The following AK1 variants were observed in gnomAD, a reference collection of about 807,000 sequenced individuals.
AK1 encodes adenylate kinase 1, also known as adenylate kinase isoenzyme 1.
AK1 carries 13 observed loss-of-function variants against 23.9 expected under a neutral mutation model. The ratio of observed to expected loss-of-function variants is 0.54; its 90% CI spans 0.35 to 0.86. The LOEUF is 0.86. Among genes scored for constraint, AK1 ranks in the 40% least tolerant of loss-of-function variants. The pLI is 0.01. For missense variants in AK1, 214 were observed against 255.1 expected, an observed-to-expected ratio of 0.84 and a Z score of 1.10; for synonymous variants, 97 against 102.8, an observed-to-expected ratio of 0.94 and a Z score of 0.34.
intron 1 of AK1, among the ~76,000 whole-genome samples, chr9:127,875,367 G>C (rs1829514889): frequency 8.1e-6 from 1 of 124,066 alleles, no homozygotes; most frequent in African/African-American, 3.2e-5. Context: ...ACCCCACCCT[G>C]TGCTGCCACA....
At position 127,874,734 on chromosome 9, in the gene AK1, T is replaced by C. The variant is rs1405467555; in HGVS notation, c.-32-85A>G. The C allele has an allele frequency of 3.7e-6, 5 of 1,358,332 alleles. No individual in the cohort carries two copies. The African/African-American group carries it at 7.2e-5, about 19-fold the overall frequency. The allele number at this position is 1,358,332 out of a possible 1,614,324, so 84.1% of individuals were successfully genotyped here. ...ACTAAGCCACACCCAAGGCAACTGG[T>C]GTGTGCCAGGCCCGACATGCAGTCT... On this transcript the variant is annotated intron_variant, in intron 1 of 6. Coordinates refer to ENST00000644144, the MANE Select transcript of AK1 (RefSeq NM_000476.3).
chr9:127,868,058 C>G lies in AK1; in HGVS notation c.535G>C (p.Val179Leu), dbSNP rs190164259. 8.7e-6 allele frequency: 14 copies of G among 1,614,102 alleles called. No homozygotes were observed. The highest frequency in any genetic ancestry group is 1.3e-5 in the African/African-American group (1 of 75,042). ...IVRKVNAEGSVDSVFSQVCTH... is the reference protein window; with the variant it reads ...IVRKVNAEGSLDSVFSQVCTH... ...CAGACCTGGGAGAAGACACTGTCCA[C>G]GGAGCCCTCAGCGTTGACCTGTGGG... Residue 179 changes from valine to leucine, a missense_variant, in exon 7 of 7, where the codon GTG (valine) becomes CTG (leucine). Coordinates refer to ENST00000644144, the MANE Select transcript of AK1 (RefSeq NM_000476.3). This position sits in a 1 kb window ranked among gnomAD's most constrained non-coding sequence, Gnocchi z 4.1.
rs531396022 is a variant in AK1 at position 127,869,873 on chromosome 9, A to G, written c.325-1361T>C. On this transcript the variant is annotated intron_variant, in intron 5 of 6. Transcript: ENST00000644144. ...CAAGCACAGTAGGCTCTTTACACACACCCAGCAGAGGTGGTAAATCTGGGA... is the reference window on the plus strand; with the variant it reads ...CAAGCACAGTAGGCTCTTTACACACGCCCAGCAGAGGTGGTAAATCTGGGA... 5.3e-5 allele frequency among the ~76,000 whole-genome samples: 8 copies of G among 152,160 alleles called. No individual in the cohort carries two copies. The South Asian group carries it at 1.7e-3, about 32-fold the overall frequency.
In AK1 at chr9:127,867,746, C is replaced by T. The variant is rs575072448; in HGVS notation, c.*262G>A. On this transcript the variant is annotated 3_prime_UTR_variant, in exon 7 of 7. Coordinates refer to ENST00000644144, the MANE Select transcript of AK1 (RefSeq NM_000476.3). ...CTGGCAAAGGGAGGCTGAGGAGGAA[C>T]GGAGGGTTGAGGGGCTGGGGACTTG... 155 of 468,148 alleles carry T rather than the reference C, an allele frequency of 3.3e-4. No individual in the cohort carries two copies. Among genetic ancestry groups the T allele is most frequent in the South Asian group, 7.7e-4 (36 of 46,524 alleles). 29.0% of individuals were successfully genotyped at this position (468,148 alleles called of 1,614,324 possible). A position where few individuals can be genotyped will look rare whatever the true frequency, so the allele number is the denominator to read the frequency against.
chr9:127,874,192 C>T, intron 2 of AK1: 1 of 985,332 alleles, frequency 1.0e-6, no homozygotes, highest in Non-Finnish European at 1.2e-6. Flanking sequence ...CCCTCTAAGT[C>T]CCAGCCCATA....
At chr9:127,875,757 G>T (rs141223381) in intron 1 of AK1, among the ~76,000 whole-genome samples, 1 of 151,234 alleles carries the variant, frequency 6.6e-6, no homozygotes, top group African/African-American at 2.4e-5. Context: ...GCCACAGGCT[G>T]AGTCAGTGTG....
Position 127,873,528 on chromosome 9 carries a change from G to A in AK1, c.8-467C>T, listed in dbSNP as rs934885820. On this transcript the variant is annotated intron_variant, in intron 2 of 6. Transcript: ENST00000644144. ...GGCCGGCCCATCACCCGCCTCCCCC[G>A]GCAGTGGGGGCTTAGCAACCACAAC... is the stretch of plus-strand genomic sequence containing the variant. 1.8e-4 allele frequency: 258 copies of A among 1,441,268 alleles called. 1 individual carries two copies. Among genetic ancestry groups the A allele is most frequent in the Middle Eastern group, 5.4e-4 (3 of 5,524 alleles). 89.3% of individuals were successfully genotyped at this position (1,441,268 alleles called of 1,614,324 possible). A position where few individuals can be genotyped will look rare whatever the true frequency, so the allele number is the denominator to read the frequency against.
intron 4 of AK1, among the ~76,000 whole-genome samples, 183 bp downstream of exon 4, chr9:127,872,507 G>T (rs1281272873): frequency 1.3e-5 from 2 of 152,126 alleles, no homozygotes; most frequent in African/African-American, 4.8e-5. Flanking sequence ...GCAGAGTCCT[G>T]CAAGGTCTTG....
intron 2 of AK1, chr9:127,873,377 AC>A (rs2131406234): frequency 6.4e-7 from 1 of 1,573,722 alleles, no homozygotes; most frequent in Non-Finnish European, 8.6e-7. Context: ...GGGTGCCTGG[AC>A]CCCGGGGCCG....
chr9:127,878,334 A>G (rs1450439917), upstream of AK1: 2 of 152,268 alleles, frequency 1.3e-5, no homozygotes, highest in Non-Finnish European at 2.9e-5. Context: ...GGATAGCCAG[A>G]GAGGGGATTT....
At position 127,872,762 on chromosome 9, in the gene AK1, G is replaced by A. The variant is rs202106101; in HGVS notation, c.135C>T (p.Ser45=). The change falls in exon 4 of 7, where the codon TCC becomes TCT. Residue 45 remains serine, a synonymous_variant. Coordinates refer to ENST00000644144, the MANE Select transcript of AK1 (RefSeq NM_000476.3). The stretch of plus-strand genomic sequence containing the variant: ...CCCTGGCCGAGCCTGAGCTGACCTC[G>A]GACCGCAGGAGGTCCCCGGTGGAGA... ...THLSTGDLLR[S]EVSSGSARGK... The A allele has an allele frequency of 2.2e-4, 352 of 1,614,132 alleles. No homozygotes were observed. The highest frequency in any genetic ancestry group is 1.5e-3 in the Middle Eastern group (9 of 6,062).
At chr9:127,872,491 G>A (rs908408468) in intron 4 of AK1, among the ~76,000 whole-genome samples, 199 bp downstream of exon 4, 1 of 152,098 alleles carries the variant, frequency 6.6e-6, no homozygotes, top group Admixed American at 6.5e-5. Context: ...GAGAGTTGGG[G>A]GCAGGGCAGA....
intron 2 of AK1, chr9:127,873,595 G>A (rs1461716506): frequency 2.1e-6 from 3 of 1,421,802 alleles, no homozygotes; most frequent in Non-Finnish European, 2.7e-6. Context: ...GAGGGCTGTG[G>A]TGGGCATGTG....
At chr9:127,875,897 TC>T (rs1829527719) in intron 1 of AK1, among the ~76,000 whole-genome samples, 1 of 152,070 alleles carries the variant, frequency 6.6e-6, no homozygotes, top group Admixed American at 6.5e-5. Flanking sequence ...TGCCCCCGCC[TC>T]CACATGGGCC....
In AK1 at chr9:127,871,966, C is replaced by T; in HGVS notation, c.208-27G>A. 1 of 1,569,382 alleles carries T rather than the reference C, an allele frequency of 6.4e-7. No homozygotes were observed. On this transcript the variant is annotated intron_variant, in intron 4 of 6. Coordinates refer to ENST00000644144, the MANE Select transcript of AK1 (RefSeq NM_000476.3). This position sits in a 1 kb window ranked among gnomAD's most constrained non-coding sequence, Gnocchi z 4.4. ...TGGGGCACAGCAAAGGAGGAAGGGG[C>T]CATGAGCCTCTCCTCCCCATCCCTT...
upstream of AK1, among the ~76,000 whole-genome samples, chr9:127,878,960 C>T (rs1158620028): frequency 6.6e-6 from 1 of 152,022 alleles, no homozygotes; most frequent in Non-Finnish European, 1.5e-5. Context: ...CCTGTTAACC[C>T]CACCACTTCA....
In AK1 at chr9:127,872,343, G is replaced by T. The variant is rs373170895; in HGVS notation, c.207+347C>A. On this transcript the variant is annotated intron_variant, in intron 4 of 6. Transcript: ENST00000644144. ...AGTGGGGCTTCTGGAGTAGAAAATTGGGGGGGGAGGTCTTAGGCCAAATCT... is the reference window on the plus strand; with the variant it reads ...AGTGGGGCTTCTGGAGTAGAAAATTTGGGGGGGAGGTCTTAGGCCAAATCT... 5.3e-5 allele frequency among the ~76,000 whole-genome samples: 8 copies of T among 149,878 alleles called. No individual in the cohort carries two copies. The East Asian group carries it at 1.4e-3, about 26-fold the overall frequency.
chr9:127,878,507 C>T (rs1167530902), upstream of AK1: 1 of 152,224 alleles, frequency 6.6e-6, no homozygotes, highest in Non-Finnish European at 1.5e-5. Flanking sequence ...GTTTATCCAG[C>T]GTTTTGCAGG....
chr9:127,874,665 A>C lies in AK1; in HGVS notation c.-32-16T>G. 1 of 1,613,080 alleles carries C rather than the reference A, an allele frequency of 6.2e-7. No individual in the cohort carries two copies. The highest frequency in any genetic ancestry group is 8.5e-7 in the Non-Finnish European group (1 of 1,179,300). On this transcript the variant is annotated splice_polypyrimidine_tract_variant and intron_variant, in intron 1 of 6. Transcript: ENST00000644144. ...TGTCAGTGCTCTGTAAGACAAGGGC[A>C]CAGGTTGGGGAGGGATTTTCCTCCT...
Sources: gnomAD v4.1 joint callset for allele counts (sites outside exome capture counted in the v4.1 genomes callset) on GRCh38, gnomAD v4.1.1 for gene constraint, Gnocchi (gnomAD v3.1) non-coding constraint, MANE v1.5 for transcripts, NCBI Gene and HGNC (gene_info 2026-07-23, HGNC 2026-07-21) for gene names.